NOP53: variants seen among roughly 807,000 people sequenced by gnomAD.
NOP53 encodes ribosome biogenesis protein NOP53.
A neutral mutation model predicts 61.0 loss-of-function variants in NOP53; 40 were observed. The observed-to-expected ratio is 0.66, with a 90% CI of 0.51 to 0.85. The LOEUF (loss-of-function observed/expected upper bound fraction) is 0.85, where lower values mean the gene tolerates loss of function less well. NOP53 is among the 40% of genes least tolerant of loss of function. The probability of loss-of-function intolerance (pLI) is 0.00; values close to 1 mark genes in which losing one functional copy is unlikely to be tolerated. For missense variants in NOP53, 689 were observed against 652.9 expected (o/e 1.06, Z -0.60); for synonymous variants, 308 against 289.5 (o/e 1.06, Z -0.65).
Position 47,746,846 on chromosome 19 carries a change from T to C in NOP53, c.225-121T>C. 4 of 786,248 alleles carry C rather than the reference T, an allele frequency of 5.1e-6. No homozygotes were observed. The South Asian group carries it at 6.4e-5, about 13-fold the overall frequency. The allele number at this position is 786,248 out of a possible 1,614,324, so 48.7% of individuals were successfully genotyped here. A position where few individuals can be genotyped will look rare whatever the true frequency, so the allele number is the denominator to read the frequency against. On this transcript the variant is annotated intron_variant, in intron 1 of 12. Coordinates refer to ENST00000246802, the MANE Select transcript of NOP53 (RefSeq NM_015710.5). ...GTTCTGTAAACTGCTGGGCGAAGCCTTAGCCTGGAAGAGTCCGGTGGCGGG... is the reference window on the plus strand; with the variant it reads ...GTTCTGTAAACTGCTGGGCGAAGCCCTAGCCTGGAAGAGTCCGGTGGCGGG...
intron 2 of NOP53, among the ~76,000 whole-genome samples, chr19:47,748,073 C>G (rs1213391851): frequency 6.6e-6 from 1 of 151,872 alleles, no homozygotes; most frequent in Non-Finnish European, 1.5e-5. Context: ...AGCCACCACG[C>G]CTGGTCAAGC....
chr19:47,753,681 G>T (rs1331935837), intron 6 of NOP53: 1 of 152,206 alleles, frequency 6.6e-6, no homozygotes, highest in Non-Finnish European at 1.5e-5. Context: ...ACTGCCATCT[G>T]TTCCTGGACC....
chr19:47,754,641 G>A lies in NOP53; in HGVS notation c.870+10G>A, dbSNP rs373725780. 60 of 1,545,534 alleles carry A rather than the reference G, an allele frequency of 3.9e-5. No homozygotes were observed. The highest frequency in any genetic ancestry group is 4.6e-5 in the Non-Finnish European group (53 of 1,144,216). On this transcript the variant is annotated intron_variant, in intron 7 of 12. Transcript: ENST00000246802. The surrounding 1 kb of genome is among the most constrained non-coding windows in gnomAD (Gnocchi z 4.2). ...GCAGGCCGCCACCCAGGTGAGCCCC[G>A]CACCTGCCCACTCCCTCCCCTCCCC...
At chr19:47,747,736 C>T (rs893286901) in intron 2 of NOP53, among the ~76,000 whole-genome samples, 2 of 150,866 alleles carry the variant, frequency 1.3e-5, no homozygotes, top group Non-Finnish European at 1.5e-5. Flanking sequence ...GGACTGCAGG[C>T]TGCACCATCA....
In NOP53 at chr19:47,755,743, C is replaced by T. The variant is rs1967188289; in HGVS notation, c.1230-13C>T. On this transcript the variant is annotated splice_polypyrimidine_tract_variant and intron_variant, in intron 9 of 12. Transcript: ENST00000246802. ...CGGGGGTGATATTTCTGAACACCCGCCCTGTTCTGCAGGTACCAGGCACCT... is the reference window on the plus strand; with the variant it reads ...CGGGGGTGATATTTCTGAACACCCGTCCTGTTCTGCAGGTACCAGGCACCT... 3.1e-6 allele frequency: 5 copies of T among 1,606,064 alleles called. No individual in the cohort carries two copies. The highest frequency in any genetic ancestry group is 4.2e-6 in the Non-Finnish European group (5 of 1,176,866).
At chr19:47,745,962 A>C (rs1449386609) in intron 1 of NOP53, 179 bp downstream of exon 1, 1 of 537,214 alleles carries the variant, frequency 1.9e-6, no homozygotes, top group African/African-American at 1.9e-5. Context: ...GGGAAGCTGG[A>C]GAGCTTGATA....
rs946878833 is a variant in NOP53, at chr19:47,755,449, G to A, written c.1155G>A (p.Leu385=). ...KAQVALRLAE[L]ARRQRRRQAR... is the part of the protein sequence containing the mutation. ...AGGTGGCCCTGAGGCTGGCGGAGCT[G>A]GCGCGGCGGCAGAGGCGGCGGCAGG... Residue 385 remains leucine, a synonymous_variant, in exon 9 of 13, where the codon CTG becomes CTA. Transcript: ENST00000246802. 3.4e-5 allele frequency: 52 copies of A among 1,516,202 alleles called. No individual in the cohort carries two copies. The highest frequency in any genetic ancestry group is 4.5e-5 in the Non-Finnish European group (51 of 1,135,984). 93.9% of individuals were successfully genotyped at this position (1,516,202 alleles called of 1,614,324 possible). A position where few individuals can be genotyped will look rare whatever the true frequency, so the allele number is the denominator to read the frequency against.
At chr19:47,755,845 G>A (rs1599921654) in intron 10 of NOP53, 23 bp downstream of exon 10, 5 of 1,589,970 alleles carry the variant, frequency 3.1e-6, no homozygotes, top group East Asian at 2.3e-5. Flanking sequence ...TCCTGCCGTG[G>A]AGCCCCGTGC....
chr19:47,751,681 G>T (rs1043668446), intron 5 of NOP53, 91 bp downstream of exon 5: 6 of 1,007,354 alleles, frequency 6.0e-6, no homozygotes, highest in South Asian at 1.3e-5. Context: ...CTGTCTCAGA[G>T]CCCTTCCATC....
At chr19:47,747,052 T>C (rs1427004342) in intron 2 of NOP53, 21 bp downstream of exon 2, 3 of 1,597,340 alleles carry the variant, frequency 1.9e-6, no homozygotes, top group African/African-American at 1.3e-5. Flanking sequence ...GCTTTTGTGG[T>C]GTGGAATGGC....
rs1003555620 is a variant in NOP53, at chr19:47,751,104, G to A, written c.595G>A (p.Asp199Asn). 6.2e-7 allele frequency: 1 copy of A among 1,603,192 alleles called. No homozygotes were observed. The highest frequency in any genetic ancestry group is 1.3e-5 in the African/African-American group (1 of 74,878). Residue 199 changes from aspartate (D) to asparagine (N), a missense_variant, in exon 4 of 13, where the codon GAC (aspartate) becomes AAC (asparagine). Transcript: ENST00000246802. Reference sequence around the variant, plus strand: ...GCCCTTCTACGACCTCTGGGCCTCAGACAGTGAGTGATCCTGCTGTCACCT... The same window carrying A: ...GCCCTTCTACGACCTCTGGGCCTCAAACAGTGAGTGATCCTGCTGTCACCT... The part of the protein sequence containing the change: ...ERPFYDLWAS[D>N]NPLDRPLVGQ...
intron 3 of NOP53, among the ~76,000 whole-genome samples, chr19:47,750,514 G>T (rs924103133): frequency 2.6e-5 from 4 of 152,078 alleles, no homozygotes; most frequent in Non-Finnish European, 5.9e-5. Context: ...GGAGAGGAGG[G>T]GCTGAGTGGG....
Position 47,755,382 on chromosome 19 carries a change from TCCGGCA to T in NOP53, c.1091_1096del (p.Arg364_His365del), listed in dbSNP as rs1967179629. 6.6e-7 allele frequency: 1 copy of T among 1,525,558 alleles called. No homozygotes were observed. The allele number at this position is 1,525,558 out of a possible 1,614,324, so 94.5% of individuals were successfully genotyped here. A position where few individuals can be genotyped will look rare whatever the true frequency, so the allele number is the denominator to read the frequency against. On this transcript the variant is annotated inframe_deletion, in exon 9 of 13. Transcript: ENST00000246802. ...CAGGCCGCGTTGCGGGCCGCCCGGC[TCCGGCA>T]CCAGGAGCTGTTCCGGCTGCGCGGG... is the stretch of plus-strand genomic sequence containing the variant.
Position 47,751,117 on chromosome 19 carries a change from C to T in NOP53, c.598+10C>T, listed in dbSNP as rs751547458. On this transcript the variant is annotated intron_variant, in intron 4 of 12. Coordinates refer to ENST00000246802, the MANE Select transcript of NOP53 (RefSeq NM_015710.5). ...CTCTGGGCCTCAGACAGTGAGTGATCCTGCTGTCACCTATGAATGGGGACA... is the reference window on the plus strand; with the variant it reads ...CTCTGGGCCTCAGACAGTGAGTGATTCTGCTGTCACCTATGAATGGGGACA... 13 of 1,596,242 alleles carry T rather than the reference C, an allele frequency of 8.1e-6. No homozygotes were observed. In the African/African-American group the frequency reaches 1.3e-4, roughly 16 times the overall value.
At chr19:47,752,938 G>A in intron 6 of NOP53, 1 of 293,210 alleles carries the variant, frequency 3.4e-6, no homozygotes, top group Non-Finnish European at 6.6e-6. Context: ...GAACAGCACT[G>A]CAAAGGCACA....
intron 2 of NOP53, among the ~76,000 whole-genome samples, chr19:47,749,839 C>T (rs971218624): frequency 6.6e-6 from 1 of 152,102 alleles, no homozygotes; most frequent in Non-Finnish European, 1.5e-5. Context: ...CCTCAGCCTC[C>T]CAGAGTGCTG....
intron 6 of NOP53, 166 bp downstream of exon 6, chr19:47,752,773 G>A (rs1967140632): frequency 3.5e-6 from 2 of 571,062 alleles, no homozygotes; most frequent in Non-Finnish European, 6.3e-6. Flanking sequence ...AGACAGTGAT[G>A]GGCAGAGTGG....
intron 1 of NOP53, chr19:47,746,118 A>G (rs1227226399): frequency 8.8e-6 from 3 of 339,028 alleles, no homozygotes; most frequent in East Asian, 1.2e-4. Context: ...GTGTATGTAT[A>G]TATGTGTGTG....
chr19:47,745,684 G>A lies in NOP53; in HGVS notation c.125G>A (p.Arg42Lys), dbSNP rs1349243122. 3 of 1,613,068 alleles carry A rather than the reference G, an allele frequency of 1.9e-6. No homozygotes were observed. Among genetic ancestry groups the A allele is most frequent in the Admixed American group, 1.7e-5 (1 of 59,938 alleles). The change falls in exon 1 of 13, where the codon AGA (arginine) becomes AAA (lysine). Residue 42 changes from arginine to lysine, a missense_variant. Arg to Lys is a conservative substitution (Grantham distance 26). Transcript: ENST00000246802. ...PALRRRRRGP[R>K]NKKRGWRRLA... The stretch of plus-strand genomic sequence containing the variant: ...CTGAGGCGGCGGCGGCGAGGCCCAA[G>A]AAATAAGAAGCGGGGCTGGCGGCGG...
Sources: allele counts gnomAD v4.1 joint callset (sites outside exome capture counted in the v4.1 genomes callset), GRCh38; gene constraint gnomAD v4.1.1; non-coding constraint Gnocchi (gnomAD v3.1); transcripts MANE v1.5; gene names NCBI Gene and HGNC (gene_info 2026-07-23, HGNC 2026-07-21).